PLCG2: variants seen among roughly 807,000 people sequenced by gnomAD.
PLCG2 encodes 1-phosphatidylinositol 4,5-bisphosphate phosphodiesterase gamma-2.
PLCG2 carries 69 observed loss-of-function variants against 175.6 expected under a neutral mutation model. The observed-to-expected ratio is 0.39, with a 90% CI of 0.32 to 0.48. The LOEUF is 0.48. PLCG2 is among the 20% of genes least tolerant of loss of function. The pLI is 0.91. For missense variants in PLCG2, 1,798 were observed against 1,650.9 expected (o/e 1.09, Z -1.54); for synonymous variants, 827 against 624.0 (o/e 1.33, Z -4.85).
At position 81,939,975 on chromosome 16, in the gene PLCG2, C is replaced by A; in HGVS notation, c.3397C>A (p.Arg1133Ser). Residue 1133 changes from arginine (R) to serine (S), a missense_variant, in exon 30 of 33, where the codon CGC becomes AGC. Coordinates refer to ENST00000564138, the MANE Select transcript of PLCG2 (RefSeq NM_002661.5). ...TTATGACCCAAACCTGGCATTTCTG[C>A]GCTTTGTGGTTTATGAAGAAGATAT... ...EIYDPNLAFL[R>S]FVVYEEDMFS... 1 of 1,613,754 alleles carries A rather than the reference C, an allele frequency of 6.2e-7. No individual in the cohort carries two copies. Among genetic ancestry groups the A allele is most frequent in the Non-Finnish European group, 8.5e-7 (1 of 1,179,656 alleles).
chr16:81,763,257 A>T (rs1038165339), intron 2 of PLCG2, among the ~76,000 whole-genome samples: 1 of 152,232 alleles, frequency 6.6e-6, no homozygotes, highest in Non-Finnish European at 1.5e-5. Context: ...TCCACTCAGC[A>T]AAATAATCTC....
At chr16:81,765,974 C>A (rs1041560322) in intron 2 of PLCG2, among the ~76,000 whole-genome samples, 4 of 152,224 alleles carry the variant, frequency 2.6e-5, no homozygotes, top group African/African-American at 9.6e-5. Context: ...TGCTGTGAGT[C>A]ACAAGACACT....
Position 81,956,856 on chromosome 16 carries a change from G to A in PLCG2, c.3732G>A (p.Leu1244=), listed in dbSNP as rs531542974. The stretch of plus-strand genomic sequence containing the variant: ...GTGTTAATGAGAACCAGCTCCAGCT[G>A]TACCAGGAGAAATGCAACAAGAGGT... ...EFSVNENQLQ[L]YQEKCNKRLR... Residue 1244 remains leucine (L), a synonymous_variant, in exon 32 of 33, where the codon CTG becomes CTA. Coordinates refer to ENST00000564138, the MANE Select transcript of PLCG2 (RefSeq NM_002661.5). 1 of 1,613,568 alleles carries A rather than the reference G, an allele frequency of 6.2e-7. No homozygotes were observed. The highest frequency in any genetic ancestry group is 1.7e-5 in the Admixed American group (1 of 59,974).
chr16:81,843,408 T>C (rs1378193275), intron 2 of PLCG2, among the ~76,000 whole-genome samples: 1 of 152,256 alleles, frequency 6.6e-6, no homozygotes. Flanking sequence ...GAAAACACAC[T>C]GGAGAGGAAC....
chr16:81,773,097 G>C (rs992080082), intron 2 of PLCG2, among the ~76,000 whole-genome samples: 1 of 152,212 alleles, frequency 6.6e-6, no homozygotes. Context: ...TTCTTGGAGA[G>C]TGACTGAGGC....
Position 81,927,053 on chromosome 16 carries a change from G to C in PLCG2, c.2418-29G>C, listed in dbSNP as rs139688458. 9.1e-4 allele frequency: 1,333 copies of C among 1,460,962 alleles called. 3 individuals are homozygous for C. The highest frequency in any genetic ancestry group is 9.1e-4 in the Non-Finnish European group (948 of 1,040,340). The allele number at this position is 1,460,962 out of a possible 1,614,324, so 90.5% of individuals were successfully genotyped here. On this transcript the variant is annotated intron_variant, in intron 22 of 32. Transcript: ENST00000564138. ...GGGTAATTCATGCCACCTGGTGACA[G>C]CGCCCCCATGTCCTCTCTTCTTATC...
At chr16:81,935,653 C>T (rs1910676556) in intron 26 of PLCG2, 1 of 985,370 alleles carries the variant, frequency 1.0e-6, no homozygotes, top group South Asian at 4.7e-5. Context: ...GCCGGGCTAT[C>T]CCACCACAGC....
At chr16:81,857,142 C>A (rs1022343983) in intron 3 of PLCG2, among the ~76,000 whole-genome samples, 1 of 152,188 alleles carries the variant, frequency 6.6e-6, no homozygotes, top group Non-Finnish European at 1.5e-5. Flanking sequence ...GATGACTGAA[C>A]CTTTGATATA....
intron 2 of PLCG2, among the ~76,000 whole-genome samples, chr16:81,801,526 G>A (rs1032225311): frequency 1.3e-5 from 2 of 152,150 alleles, no homozygotes; most frequent in Admixed American, 1.3e-4. Context: ...GATCTGTCCT[G>A]TCAATGCTGG....
At chr16:81,750,165 T>G (rs926037099) in intron 1 of PLCG2, among the ~76,000 whole-genome samples, 15 of 152,172 alleles carry the variant, frequency 9.9e-5, no homozygotes, top group Non-Finnish European at 1.8e-4. Flanking sequence ...CCCAGCACTT[T>G]GGGAGAACAA....
chr16:81,757,305 C>T (rs1909948981), intron 2 of PLCG2, among the ~76,000 whole-genome samples: 1 of 151,994 alleles, frequency 6.6e-6, no homozygotes, highest in South Asian at 2.1e-4. Context: ...CACACAAAAC[C>T]CCCAAACAAA....
intron 32 of PLCG2, 148 bp downstream of exon 32, chr16:81,957,027 G>A (rs987460749): frequency 1.4e-5 from 8 of 572,936 alleles, no homozygotes; most frequent in South Asian, 2.4e-5. Flanking sequence ...GGCCAGGCAT[G>A]GTGGCTCATG....
At chr16:81,942,453 CATATTCATGGGAGGAATGAAATAGAATGA>C (rs1910982746) in intron 30 of PLCG2, among the ~76,000 whole-genome samples, 1 of 152,206 alleles carries the variant, frequency 6.6e-6, no homozygotes, top group African/African-American at 2.4e-5. Context: ...CTGGCACATC[CATATTCATGGGAGGAATGAAATAGAATGA>C]ACAGGAGGCA....
intron 7 of PLCG2, among the ~76,000 whole-genome samples, chr16:81,879,680 T>A (rs1157272234): frequency 6.6e-6 from 1 of 152,172 alleles, no homozygotes; most frequent in Non-Finnish European, 1.5e-5. Context: ...CCTAAGTGCT[T>A]ATCCAATCGC....
intron 2 of PLCG2, among the ~76,000 whole-genome samples, chr16:81,787,446 T>A (rs1384558006): frequency 7.6e-6 from 1 of 131,400 alleles, no homozygotes; most frequent in Non-Finnish European, 1.6e-5. Flanking sequence ...CAGGCTTGTC[T>A]CCAATTCCTG....
chr16:81,821,869 A>T (rs1904814235), intron 2 of PLCG2, among the ~76,000 whole-genome samples: 1 of 147,604 alleles, frequency 6.8e-6, no homozygotes, highest in South Asian at 2.1e-4. Context: ...CAGATCCAAG[A>T]TGTTTTTTTT....
intron 9 of PLCG2, among the ~76,000 whole-genome samples, chr16:81,888,534 A>G: frequency 6.6e-6 from 1 of 152,256 alleles, no homozygotes; most frequent in Non-Finnish European, 1.5e-5. Flanking sequence ...CATTAGGCAC[A>G]TAACCTAATA....
intron 29 of PLCG2, 128 bp from the exon 30 acceptor site, chr16:81,939,757 TTCTTAGA>T (rs1456844143): frequency 1.6e-6 from 1 of 613,836 alleles, no homozygotes; most frequent in Non-Finnish European, 2.9e-6. Flanking sequence ...TATTCAGATT[TTCTTAGA>T]TCTTGGCATA....
At chr16:81,950,319 T>TAC (rs1415970303) in intron 31 of PLCG2, among the ~76,000 whole-genome samples, 1 of 152,200 alleles carries the variant, frequency 6.6e-6, no homozygotes, top group Non-Finnish European at 1.5e-5. Flanking sequence ...TCAGAAGTAC[T>TAC]ACAGTGTATT....
Sources: allele counts gnomAD v4.1 joint callset (sites outside exome capture counted in the v4.1 genomes callset), GRCh38; gene constraint gnomAD v4.1.1; transcripts MANE v1.5; gene names NCBI Gene and HGNC (gene_info 2026-07-23, HGNC 2026-07-21).